TCF4: variants seen among roughly 807,000 people sequenced by gnomAD.
TCF4 encodes SL3-3 enhancer factor 2.
Under a neutral mutation model 82.1 loss-of-function variants are expected in TCF4, and 3 were observed. The ratio of observed to expected loss-of-function variants is 0.04; its 90% CI spans 0.02 to 0.09. TCF4 has a LOEUF of 0.09. Ranked by LOEUF, TCF4 falls within the 10% of genes least tolerant of loss-of-function variation. The probability of loss-of-function intolerance (pLI) is 1.00; values close to 1 mark genes in which losing one functional copy is unlikely to be tolerated. For synonymous variants in TCF4, 276 were observed against 309.6 expected (o/e 0.89, Z 1.14); for missense variants, 518 against 852.7 (o/e 0.61, Z 4.89).
At chr18:55,423,069 T>C (rs1289237164) in intron 5 of TCF4, among the ~76,000 whole-genome samples, 1 of 150,880 alleles carries the variant, frequency 6.6e-6, no homozygotes, top group Non-Finnish European at 1.5e-5. Context: ...AGGCCGGACT[T>C]TGGGGGAAGT....
chr18:55,379,898 G>T (rs1482077711), intron 6 of TCF4, among the ~76,000 whole-genome samples: 1 of 152,086 alleles, frequency 6.6e-6, no homozygotes, highest in Non-Finnish European at 1.5e-5. Flanking sequence ...GGGAGAGAGA[G>T]GGTCTCAGTC....
intron 8 of TCF4, among the ~76,000 whole-genome samples, chr18:55,317,389 C>A (rs753350541): frequency 6.6e-6 from 1 of 151,892 alleles, no homozygotes; most frequent in African/African-American, 2.4e-5. Context: ...CATTTATAAT[C>A]ATGGTTCTGA....
Position 55,362,413 on chromosome 18 carries a change from GGAAGGAAGGAAGGAAGGAAGGAAA to G in TCF4, c.370-11434_370-11411del, listed in dbSNP as rs1569191820. On this transcript the variant is annotated intron_variant, in intron 6 of 19. Transcript: ENST00000354452. ...AGGAAAGAAGGAAGGAAGGAAGGAA[GGAAGGAAGGAAGGAAGGAAGGAAA>G]AAAAAAAAGAAGAAAACATGTATCT... Among the ~76,000 whole-genome samples the G allele has an allele frequency of 5.9e-3, 801 of 136,110 alleles. 21 individuals carry two copies. The highest frequency in any genetic ancestry group is 8.7e-3 in the Non-Finnish European group (538 of 61,726). The allele number at this position is 136,110 out of a possible 152,430, so 89.3% of individuals were successfully genotyped here.
chr18:55,233,702 G>C (rs2144637166), intron 16 of TCF4, among the ~76,000 whole-genome samples: 1 of 151,610 alleles, frequency 6.6e-6, no homozygotes, highest in Non-Finnish European at 1.5e-5. Context: ...TGTAATCCTA[G>C]CTACCCCCTG....
At chr18:55,247,315 A>G (rs1264054961) in intron 15 of TCF4, among the ~76,000 whole-genome samples, 1 of 152,158 alleles carries the variant, frequency 6.6e-6, no homozygotes, top group Non-Finnish European at 1.5e-5. Context: ...AGAGTATGTG[A>G]CTGAATGAGG....
chr18:55,327,711 C>T (rs1002375619), intron 8 of TCF4, among the ~76,000 whole-genome samples: 2 of 152,024 alleles, frequency 1.3e-5, no homozygotes, highest in Non-Finnish European at 2.9e-5. Flanking sequence ...GATTTTTGAT[C>T]CATAAGTAAA....
chr18:55,606,448 T>A (rs1467544301), intron 2 of TCF4, among the ~76,000 whole-genome samples: 1 of 152,192 alleles, frequency 6.6e-6, no homozygotes, highest in Non-Finnish European at 1.5e-5. Flanking sequence ...CTCAAAGACA[T>A]AATTTGAAGC....
At chr18:55,306,677 A>G (rs1456040999) in intron 8 of TCF4, among the ~76,000 whole-genome samples, 1 of 152,224 alleles carries the variant, frequency 6.6e-6, no homozygotes, top group Non-Finnish European at 1.5e-5. Context: ...TCCGTTTTCA[A>G]GGGTATTTGT....
rs2097142357 is a variant in TCF4, at chr18:55,538,994, T to C, written c.145+46286A>G. 2.6e-5 allele frequency among the ~76,000 whole-genome samples: 4 copies of C among 151,126 alleles called. No individual in the cohort carries two copies. The Admixed American group carries it at 2.6e-4, about 10-fold the overall frequency. The stretch of plus-strand genomic sequence containing the variant: ...AGTCTCAGCAATATGATGGTTCAAA[T>C]AATACACTCCTCCAAACACACTCTC... On this transcript the variant is annotated intron_variant, in intron 3 of 19. Coordinates refer to ENST00000354452, the MANE Select transcript of TCF4 (RefSeq NM_001083962.2).
rs201201298 is a variant in TCF4, at chr18:55,329,880, A to T, written c.549+20479T>A. 3.9e-5 allele frequency among the ~76,000 whole-genome samples: 6 copies of T among 152,346 alleles called. No homozygotes were observed. In the East Asian group the frequency reaches 9.6e-4, roughly 24 times the overall value. On this transcript the variant is annotated intron_variant, in intron 8 of 19. Transcript: ENST00000354452. ...TGATTATCAAATGCATTTTGAACAT[A>T]AAACAACTTTAGCATTTCTAAATAT... is the stretch of plus-strand genomic sequence containing the variant.
chr18:55,621,514 T>TATAATATATATTA (rs1555791430), intron 2 of TCF4, among the ~76,000 whole-genome samples: 1 of 17,864 alleles, frequency 5.6e-5, no homozygotes, highest in African/African-American at 2.7e-4. Flanking sequence ...TATATATATA[T>TATAATATATATTA]TATATAATAT....
intron 6 of TCF4, among the ~76,000 whole-genome samples, chr18:55,372,056 A>G (rs1425569826): frequency 2.0e-5 from 3 of 152,336 alleles, no homozygotes; most frequent in Non-Finnish European, 4.4e-5. Flanking sequence ...TAGAATGTGT[A>G]AAGTTCCATA....
At position 55,228,193 on chromosome 18, in the gene TCF4, T is replaced by TC. The variant is rs746688694; in HGVS notation, c.*4+27dup. On this transcript the variant is annotated intron_variant, in intron 19 of 19. Coordinates refer to ENST00000354452, the MANE Select transcript of TCF4 (RefSeq NM_001083962.2). The stretch of plus-strand genomic sequence containing the variant: ...ACTGATGAGAGTTTTGAATGATCGA[T>TC]CTCAGAAATGGCTGAAAACAAACTT... The TC allele has an allele frequency of 3.7e-6, 6 of 1,613,876 alleles. No individual in the cohort carries two copies. The Admixed American group carries it at 5.0e-5, about 13-fold the overall frequency.
intron 15 of TCF4, among the ~76,000 whole-genome samples, chr18:55,234,943 C>A (rs2048940158): frequency 6.6e-6 from 1 of 152,142 alleles, no homozygotes; most frequent in Non-Finnish European, 1.5e-5. Flanking sequence ...AATTGCCTCC[C>A]AGGGTGCTGC....
chr18:55,329,177 G>T (rs779470647), intron 8 of TCF4, among the ~76,000 whole-genome samples: 20 of 152,240 alleles, frequency 1.3e-4, no homozygotes, highest in Non-Finnish European at 2.5e-4. Context: ...GTGTTTAGCA[G>T]ATCTAAGTTC....
At chr18:55,590,004 G>A (rs1260953895), upstream of TCF4, among the ~76,000 whole-genome samples, 2 of 152,208 alleles carry the variant, frequency 1.3e-5, no homozygotes, top group Non-Finnish European at 2.9e-5. Context: ...GCGGCACTGT[G>A]GGAGTTCCCG....
intron 2 of TCF4, among the ~76,000 whole-genome samples, chr18:55,597,739 A>C (rs1014689622): frequency 1.3e-5 from 2 of 152,244 alleles, no homozygotes; most frequent in Middle Eastern, 3.4e-3. Context: ...GAAAACAGAT[A>C]ATCTTTTGCC....
intron 17 of TCF4, chr18:55,230,987 G>A (rs2047764904): frequency 6.6e-6 from 1 of 152,290 alleles, no homozygotes; most frequent in Admixed American, 6.5e-5. Context: ...CATAGCGTAA[G>A]CGCCTTTCCA....
At chr18:55,372,330 G>C (rs1425592992) in intron 6 of TCF4, among the ~76,000 whole-genome samples, 1 of 151,972 alleles carries the variant, frequency 6.6e-6, no homozygotes, top group East Asian at 1.9e-4. Flanking sequence ...AGCCAATCAA[G>C]AAGACTGCAA....
Sources: gnomAD v4.1 joint callset for allele counts (sites outside exome capture counted in the v4.1 genomes callset) on GRCh38, gnomAD v4.1.1 for gene constraint, MANE v1.5 for transcripts, NCBI Gene and HGNC (gene_info 2026-07-23, HGNC 2026-07-21) for gene names.